SYT1: variants seen among roughly 807,000 people sequenced by gnomAD.
The protein encoded by SYT1 is synaptotagmin 1.
SYT1 carries 8 observed loss-of-function variants against 44.8 expected under a neutral mutation model. The ratio of observed to expected loss-of-function variants is 0.18; its 90% confidence interval spans 0.10 to 0.32. The LOEUF (loss-of-function observed/expected upper bound fraction) is 0.32, where lower values mean the gene tolerates loss of function less well. SYT1 is among the 10% of genes least tolerant of loss of function. SYT1 has a pLI of 1.00. For missense variants in SYT1, 286 were observed against 509.3 expected (o/e 0.56, Z 4.22); for synonymous variants, 154 against 188.8 (o/e 0.82, Z 1.51).
intron 3 of SYT1, among the ~76,000 whole-genome samples, chr12:79,206,930 G>A (rs1001209660): frequency 6.6e-6 from 1 of 152,212 alleles, no homozygotes; most frequent in Non-Finnish European, 1.5e-5. Context: ...TCACAGATGT[G>A]AGCCCTGGGA....
At chr12:79,139,155 A>G (rs1421029318) in intron 3 of SYT1, among the ~76,000 whole-genome samples, 1 of 152,166 alleles carries the variant, frequency 6.6e-6, no homozygotes, top group African/African-American at 2.4e-5. Context: ...GGCCTCCTAC[A>G]TAAGGCAGCT....
chr12:79,170,717 G>A (rs983608999), intron 3 of SYT1, among the ~76,000 whole-genome samples: 3 of 151,966 alleles, frequency 2.0e-5, no homozygotes, highest in Admixed American at 1.3e-4. Context: ...GGTCCTATTT[G>A]TCAATTTTTA....
At chr12:79,172,515 GTTA>G (rs1017911372) in intron 3 of SYT1, among the ~76,000 whole-genome samples, 54 of 151,868 alleles carry the variant, frequency 3.6e-4, no homozygotes, top group Admixed American at 3.9e-4. Context: ...GCTTTTTGCT[GTTA>G]TTGTTGTTTT....
At chr12:79,190,584 G>A (rs1002968355) in intron 3 of SYT1, among the ~76,000 whole-genome samples, 1 of 152,012 alleles carries the variant, frequency 6.6e-6, no homozygotes, top group Non-Finnish European at 1.5e-5. Flanking sequence ...CAGCACCGGC[G>A]CCAGGAAGAA....
chr12:79,206,383 T>G (rs910313124), intron 3 of SYT1, among the ~76,000 whole-genome samples: 1 of 152,178 alleles, frequency 6.6e-6, no homozygotes, highest in Non-Finnish European at 1.5e-5. Flanking sequence ...TAAGTCACCT[T>G]TGAGTGATTT....
rs571757744 is a variant in SYT1, at chr12:79,294,423, A to G, written c.475-1646A>G. ...AGGAAGTTAAAGTCTGAAAAACTTC[A>G]TAAAGTTTGGATCAAATATATGTTT... On this transcript the variant is annotated intron_variant, in intron 6 of 10. Transcript: ENST00000261205. Among the ~76,000 whole-genome samples the G allele has an allele frequency of 8.5e-5, 13 of 152,246 alleles. No homozygotes were observed. In the East Asian group the frequency reaches 2.5e-3, roughly 29 times the overall value.
At chr12:79,353,266 A>C (rs1268594763) in intron 8 of SYT1, among the ~76,000 whole-genome samples, 1 of 152,148 alleles carries the variant, frequency 6.6e-6, no homozygotes, top group Non-Finnish European at 1.5e-5. Flanking sequence ...TTTGATGAAC[A>C]TTAAAGTATA....
intron 9 of SYT1, among the ~76,000 whole-genome samples, chr12:79,395,882 T>C (rs977266834): frequency 6.6e-6 from 1 of 152,216 alleles, no homozygotes; most frequent in African/African-American, 2.4e-5. Context: ...TAAAGAACTA[T>C]CCAGATTTTC....
intron 2 of SYT1, among the ~76,000 whole-genome samples, chr12:79,002,517 A>T (rs184834371): frequency 2.6e-5 from 4 of 152,158 alleles, no homozygotes; most frequent in Admixed American, 6.6e-5. Context: ...CACATTTTTA[A>T]AAGTTTTTCC....
At chr12:79,179,073 T>G (rs1468909605) in intron 3 of SYT1, among the ~76,000 whole-genome samples, 3 of 65,642 alleles carry the variant, frequency 4.6e-5, no homozygotes, top group Non-Finnish European at 5.5e-5. Flanking sequence ...TATAGATATA[T>G]AGATATAGAT....
chr12:78,968,204 C>T (rs1264120750), intron 1 of SYT1, among the ~76,000 whole-genome samples: 2 of 151,914 alleles, frequency 1.3e-5, no homozygotes, highest in African/African-American at 2.4e-5. Flanking sequence ...ACTTGTGAAC[C>T]AGTAGGGAAC....
At chr12:79,402,002 A>G (rs1375122817) in intron 9 of SYT1, among the ~76,000 whole-genome samples, 4 of 152,152 alleles carry the variant, frequency 2.6e-5, no homozygotes, top group African/African-American at 9.7e-5. Flanking sequence ...GTTTTTAGGA[A>G]GAAAGAGATT....
chr12:79,045,135 G>T (rs1361267389), intron 2 of SYT1, among the ~76,000 whole-genome samples: 5 of 152,160 alleles, frequency 3.3e-5, no homozygotes, highest in Non-Finnish European at 1.5e-5. Context: ...TCCTTGAGCT[G>T]TGGTGGGCTC....
At chr12:78,961,868 C>T (rs1486802712) in intron 1 of SYT1, among the ~76,000 whole-genome samples, 1 of 151,734 alleles carries the variant, frequency 6.6e-6, no homozygotes, top group Non-Finnish European at 1.5e-5. Flanking sequence ...TGATATTATA[C>T]TTTAGCAACT....
rs553155627 is a variant in SYT1 at position 79,172,523 on chromosome 12, T to C, written c.-17-44980T>C. ...TTTTTGAGCTTTTTGCTGTTATTGT[T>C]GTTTTTATTATGTTACTAGTTTTGC... On this transcript the variant is annotated intron_variant, in intron 3 of 10. Coordinates refer to ENST00000261205, the MANE Select transcript of SYT1 (RefSeq NM_005639.3). Among the ~76,000 whole-genome samples the C allele has an allele frequency of 2.1e-4, 32 of 152,116 alleles. 2 individuals carry two copies. The South Asian group carries it at 6.4e-3, about 31-fold the overall frequency.
At chr12:79,292,762 A>G (rs10861795) in intron 6 of SYT1, among the ~76,000 whole-genome samples, 55,101 of 151,894 alleles carry the variant, frequency 0.36, 10,255 homozygotes, top group East Asian at 0.59. Context: ...AACAAAACGG[A>G]CATTTTTGCT....
At chr12:79,173,912 T>G (rs568045458) in intron 3 of SYT1, among the ~76,000 whole-genome samples, 1 of 152,200 alleles carries the variant, frequency 6.6e-6, no homozygotes, top group African/African-American at 2.4e-5. Context: ...TAATGTGGCA[T>G]TCTATGAAAG....
intron 3 of SYT1, among the ~76,000 whole-genome samples, chr12:79,191,821 G>T (rs1336541579): frequency 6.6e-6 from 1 of 151,836 alleles, no homozygotes; most frequent in African/African-American, 2.4e-5. Flanking sequence ...ATGGAATATG[G>T]GACATATACC....
rs147638704 is a variant in SYT1 at position 78,958,796 on chromosome 12, C to T, written c.-216-19003C>T. 1.3e-3 allele frequency among the ~76,000 whole-genome samples: 201 copies of T among 152,158 alleles called. 1 individual carries two copies. The highest frequency in any genetic ancestry group is 6.8e-3 in the Middle Eastern group (2 of 294). ...AAGGAAACCACACTATGCTTAACCT[C>T]ATTTTGGATCATTTACGCAAACGTG... On this transcript the variant is annotated intron_variant, in intron 1 of 10. Coordinates refer to ENST00000261205, the MANE Select transcript of SYT1 (RefSeq NM_005639.3).
Sources: allele counts gnomAD v4.1 joint callset (sites outside exome capture counted in the v4.1 genomes callset), GRCh38; gene constraint gnomAD v4.1.1; transcripts MANE v1.5; gene names NCBI Gene and HGNC (gene_info 2026-07-23, HGNC 2026-07-21).